Variants in GABRA2 observed in about 807,000 individuals in gnomAD.
GABRA2 encodes the protein gamma-aminobutyric acid type A receptor subunit alpha2, also known as gamma-aminobutyric acid receptor subunit alpha-2.
A neutral mutation model predicts 48.7 loss-of-function variants in GABRA2; 16 were observed. The ratio of observed to expected loss-of-function variants is 0.33; its 90% CI spans 0.22 to 0.50. The LOEUF (loss-of-function observed/expected upper bound fraction) is 0.50. Ranked by LOEUF, GABRA2 falls within the 20% of genes least tolerant of loss-of-function variation. The probability of loss-of-function intolerance (pLI) is 0.98; values close to 1 mark genes in which losing one functional copy is unlikely to be tolerated. For synonymous variants in GABRA2, 185 were observed against 184.5 expected (o/e 1.00, Z -0.02); for missense variants, 275 against 535.6 (o/e 0.51, Z 4.80).
chr4:46,318,227 C>T (rs1000425374), intron 4 of GABRA2, among the ~76,000 whole-genome samples: 8 of 151,148 alleles, frequency 5.3e-5, no homozygotes, highest in African/African-American at 1.9e-4. Context: ...AATAAATGTA[C>T]TTCTTTGATA....
At chr4:46,287,096 A>T (rs556970880) in intron 8 of GABRA2, among the ~76,000 whole-genome samples, 3 of 152,068 alleles carry the variant, frequency 2.0e-5, no homozygotes, top group African/African-American at 4.8e-5. Flanking sequence ...TTGAGATGTC[A>T]TATATTTCTG....
intron 7 of GABRA2, among the ~76,000 whole-genome samples, chr4:46,304,946 A>G (rs7698476): frequency 7.4e-5 from 11 of 149,582 alleles, no homozygotes; most frequent in African/African-American, 1.7e-4. Flanking sequence ...AAAAAAAATC[A>G]TTTGTCAGAA....
At chr4:46,361,275 G>T (rs1279789787) in intron 3 of GABRA2, among the ~76,000 whole-genome samples, 2 of 151,958 alleles carry the variant, frequency 1.3e-5, no homozygotes, top group Non-Finnish European at 2.9e-5. Flanking sequence ...CTGGCCGAGG[G>T]TCCCCCTGCT....
chr4:46,279,794 G>A (rs1392344456), intron 8 of GABRA2, among the ~76,000 whole-genome samples: 1 of 151,990 alleles, frequency 6.6e-6, no homozygotes, highest in Non-Finnish European at 1.5e-5. Flanking sequence ...TAGTCACTTT[G>A]ATGAAACCAC....
chr4:46,303,349 T>C lies in GABRA2; in HGVS notation c.856+111A>G. Reference sequence around the variant, plus strand: ...TTCACCTATAAGGCAAAAACAATACTCCCCGCCCCACCTACTACAAATAAT... The same window carrying C: ...TTCACCTATAAGGCAAAAACAATACCCCCCGCCCCACCTACTACAAATAAT... On this transcript the variant is annotated intron_variant, in intron 8 of 9. Transcript: ENST00000381620. The C allele has an allele frequency of 2.8e-6, 3 of 1,066,508 alleles. No homozygotes were observed. The African/African-American group carries it at 4.7e-5, about 17-fold the overall frequency. The allele number at this position is 1,066,508 out of a possible 1,614,324, so 66.1% of individuals were successfully genotyped here.
chr4:46,258,388 AGGGCAG>A (rs1328416950), intron 9 of GABRA2, among the ~76,000 whole-genome samples: 1 of 151,858 alleles, frequency 6.6e-6, no homozygotes, highest in Non-Finnish European at 1.5e-5. Flanking sequence ...ATCATTTACA[AGGGCAG>A]GGGAGGGCTC....
chr4:46,256,185 T>A, intron 9 of GABRA2: 1 of 634,504 alleles, frequency 1.6e-6, no homozygotes. Flanking sequence ...CTGAGAAAAG[T>A]GATACTTACA....
At chr4:46,337,622 G>A (rs1251492765) in intron 3 of GABRA2, among the ~76,000 whole-genome samples, 2 of 137,622 alleles carry the variant, frequency 1.5e-5, no homozygotes, top group Non-Finnish European at 3.1e-5. Context: ...AGCGTATTCA[G>A]TTTGGAAGAT....
At chr4:46,285,123 T>G (rs1722297352) in intron 8 of GABRA2, among the ~76,000 whole-genome samples, 1 of 151,890 alleles carries the variant, frequency 6.6e-6, no homozygotes, top group African/African-American at 2.4e-5. Context: ...TTTGTTTATC[T>G]TTGACTTTCC....
At chr4:46,347,925 G>T (rs1038574840) in intron 3 of GABRA2, among the ~76,000 whole-genome samples, 3 of 151,870 alleles carry the variant, frequency 2.0e-5, no homozygotes, top group Admixed American at 6.6e-5. Flanking sequence ...CTGTTTAAAA[G>T]GTTCTAATTA....
At chr4:46,335,300 C>T (rs1300554893) in intron 3 of GABRA2, among the ~76,000 whole-genome samples, 2 of 152,034 alleles carry the variant, frequency 1.3e-5, no homozygotes, top group South Asian at 2.1e-4. Context: ...TTTGTTTTCC[C>T]ATGTGGATTT....
intron 4 of GABRA2, among the ~76,000 whole-genome samples, chr4:46,326,772 GC>G (rs1730460510): frequency 6.6e-6 from 1 of 151,724 alleles, no homozygotes; most frequent in Admixed American, 6.6e-5. Flanking sequence ...TCTCTATTGG[GC>G]TCCAGATCTA....
chr4:46,265,202 G>A (rs1233887094), intron 8 of GABRA2, among the ~76,000 whole-genome samples: 1 of 148,896 alleles, frequency 6.7e-6, no homozygotes, highest in Non-Finnish European at 1.5e-5. Context: ...TGCCCAACTA[G>A]TTTTCGTATT....
At chr4:46,297,490 T>TATATATATATAG (rs1724954323) in intron 8 of GABRA2, among the ~76,000 whole-genome samples, 1 of 34,838 alleles carries the variant, frequency 2.9e-5, no homozygotes, top group Non-Finnish European at 6.3e-5. Flanking sequence ...TATATATATA[T>TATATATATATAG]ATATATATAT....
chr4:46,378,039 G>A (rs1298724537), intron 3 of GABRA2, among the ~76,000 whole-genome samples: 3 of 108,336 alleles, frequency 2.8e-5, no homozygotes, highest in African/African-American at 7.7e-5. Flanking sequence ...GAGGTGGGGG[G>A]TTCAGCCCCC....
intron 8 of GABRA2, among the ~76,000 whole-genome samples, chr4:46,301,581 A>G (rs1296206588): frequency 6.6e-6 from 1 of 152,116 alleles, no homozygotes; most frequent in Non-Finnish European, 1.5e-5. Context: ...TCACTGCACA[A>G]TCTATTCTTT....
At chr4:46,258,737 T>A (rs1716355907) in intron 9 of GABRA2, among the ~76,000 whole-genome samples, 1 of 151,838 alleles carries the variant, frequency 6.6e-6, no homozygotes, top group African/African-American at 2.4e-5. Context: ...AAAAAGTTGC[T>A]GTGCTGGGCC....
intron 9 of GABRA2, chr4:46,261,446 A>C (rs2109348885): frequency 6.1e-6 from 1 of 162,790 alleles, no homozygotes; most frequent in South Asian, 1.7e-4. Flanking sequence ...TAATAAGTAA[A>C]ATTAATGCCC....
intron 8 of GABRA2, among the ~76,000 whole-genome samples, chr4:46,275,902 T>C (rs1392254386): frequency 1.3e-5 from 2 of 152,128 alleles, no homozygotes; most frequent in African/African-American, 4.8e-5. Context: ...ATAGCTTTTA[T>C]TATTTATTTG....
Sources: allele counts gnomAD v4.1 joint callset (sites outside exome capture counted in the v4.1 genomes callset), GRCh38; gene constraint gnomAD v4.1.1; transcripts MANE v1.5; gene names NCBI Gene and HGNC (gene_info 2026-07-23, HGNC 2026-07-21).